CDH18: variants seen among roughly 807,000 people sequenced by gnomAD.
CDH18 encodes cadherin-18.
Under a neutral mutation model 67.9 loss-of-function variants are expected in CDH18, and 31 were observed. The ratio of observed to expected loss-of-function variants is 0.46; its 90% CI spans 0.34 to 0.62. The LOEUF (loss-of-function observed/expected upper bound fraction) is 0.62, where lower values mean the gene tolerates loss of function less well. Ranked by LOEUF, CDH18 falls within the 20% of genes least tolerant of loss-of-function variation. The pLI, the probability that CDH18 is intolerant of heterozygous loss-of-function variation, is 0.01. For synonymous variants in CDH18, 362 were observed against 347.2 expected (o/e 1.04, Z -0.48); for missense variants, 890 against 975.5 (o/e 0.91, Z 1.17).
At chr5:20,438,228 C>G (rs1749326307) in intron 1 of CDH18, among the ~76,000 whole-genome samples, 1 of 113,578 alleles carries the variant, frequency 8.8e-6, no homozygotes, top group African/African-American at 2.9e-5. Context: ...CTTGCCCCTG[C>G]CCCCAAATTA....
chr5:20,537,737 G>C (rs1756809841), intron 1 of CDH18, among the ~76,000 whole-genome samples: 1 of 145,568 alleles, frequency 6.9e-6, no homozygotes, highest in Non-Finnish European at 1.5e-5. Context: ...ATACTGCTTA[G>C]TGTATACAAA....
At chr5:19,920,843 T>C (rs1453911975) in intron 2 of CDH18, among the ~76,000 whole-genome samples, 2 of 150,774 alleles carry the variant, frequency 1.3e-5, no homozygotes, top group Non-Finnish European at 3.0e-5. Flanking sequence ...ATCTCTGAAA[T>C]TTAGGGGTAG....
chr5:20,550,463 G>A, intron 1 of CDH18, among the ~76,000 whole-genome samples: 1 of 152,206 alleles, frequency 6.6e-6, no homozygotes, highest in South Asian at 2.1e-4. Flanking sequence ...TAATAATATA[G>A]CCAATAGAAC....
At chr5:19,964,641 C>T (rs1797245172) in intron 2 of CDH18, among the ~76,000 whole-genome samples, 1 of 135,900 alleles carries the variant, frequency 7.4e-6, no homozygotes, top group South Asian at 2.2e-4. Flanking sequence ...GGGCAAGGCC[C>T]TGTATCAAAA....
intron 4 of CDH18, among the ~76,000 whole-genome samples, chr5:19,727,885 A>T (rs1165792608): frequency 6.6e-6 from 1 of 152,160 alleles, no homozygotes; most frequent in Non-Finnish European, 1.5e-5. Flanking sequence ...TGACATTTTT[A>T]AAGTTAGTTA....
intron 2 of CDH18, among the ~76,000 whole-genome samples, chr5:20,135,489 T>G (rs1217495851): frequency 6.6e-6 from 1 of 152,184 alleles, no homozygotes; most frequent in Non-Finnish European, 1.5e-5. Context: ...TTTTTCTTCT[T>G]TATTAGTCTT....
chr5:19,986,066 T>A (rs1239917692), intron 1 of CDH18, among the ~76,000 whole-genome samples: 1 of 152,212 alleles, frequency 6.6e-6, no homozygotes, highest in Non-Finnish European at 1.5e-5. Flanking sequence ...CAAAGCATAA[T>A]AATGCTATTT....
intron 2 of CDH18, among the ~76,000 whole-genome samples, chr5:20,249,786 CCTTT>C (rs1430481194): frequency 2.6e-5 from 4 of 152,074 alleles, no homozygotes; most frequent in South Asian, 2.1e-4. Context: ...TGAAAATGTG[CCTTT>C]CTGAGAATTT....
At chr5:20,245,316 A>G (rs1000223997) in intron 2 of CDH18, among the ~76,000 whole-genome samples, 13 of 152,152 alleles carry the variant, frequency 8.5e-5, no homozygotes, top group African/African-American at 3.1e-4. Flanking sequence ...TTATATCCCC[A>G]TAAATATGCC....
intron 3 of CDH18, among the ~76,000 whole-genome samples, chr5:19,753,409 A>G (rs895551294): frequency 1.3e-5 from 2 of 152,240 alleles, no homozygotes; most frequent in African/African-American, 2.4e-5. Context: ...TCTTAGCAAT[A>G]AAATTCAACA....
chr5:20,064,873 G>T (rs1742836030), intron 2 of CDH18, among the ~76,000 whole-genome samples: 1 of 152,010 alleles, frequency 6.6e-6, no homozygotes, highest in Non-Finnish European at 1.5e-5. Flanking sequence ...TCTCTACAAA[G>T]TACAGGACCA....
intron 3 of CDH18, among the ~76,000 whole-genome samples, chr5:19,827,572 G>T (rs1780536606): frequency 6.6e-6 from 1 of 151,944 alleles, no homozygotes; most frequent in African/African-American, 2.4e-5. Context: ...AAATAGAAAT[G>T]AATACTAAGA....
intron 2 of CDH18, among the ~76,000 whole-genome samples, chr5:19,847,398 C>T (rs368272674): frequency 1.3e-5 from 2 of 151,936 alleles, no homozygotes; most frequent in Admixed American, 6.6e-5. Context: ...TGCTATAGAA[C>T]TTTTGCACTA....
chr5:20,049,322 A>C (rs191686462), intron 2 of CDH18, among the ~76,000 whole-genome samples: 36 of 151,434 alleles, frequency 2.4e-4, no homozygotes, highest in African/African-American at 7.3e-4. Flanking sequence ...CACATACACA[A>C]AAAAAAATAC....
chr5:20,202,411 C>T (rs1014497354), intron 2 of CDH18, among the ~76,000 whole-genome samples: 3 of 152,048 alleles, frequency 2.0e-5, no homozygotes, highest in Non-Finnish European at 4.4e-5. Context: ...AAATTTTTCC[C>T]CTCAAAGTTG....
intron 5 of CDH18, among the ~76,000 whole-genome samples, chr5:19,614,096 A>G (rs898654246): frequency 1.3e-5 from 2 of 152,062 alleles, no homozygotes; most frequent in Non-Finnish European, 2.9e-5. Context: ...CAATATCTTA[A>G]TTTATGAGAA....
chr5:20,365,815 C>G (rs959526919), intron 1 of CDH18, among the ~76,000 whole-genome samples: 18 of 151,904 alleles, frequency 1.2e-4, no homozygotes, highest in African/African-American at 4.4e-4. Context: ...ATTTATCTGT[C>G]TTATTAAAAC....
At chr5:20,097,077 T>C (rs1746052832) in intron 2 of CDH18, among the ~76,000 whole-genome samples, 1 of 152,194 alleles carries the variant, frequency 6.6e-6, no homozygotes, top group South Asian at 2.1e-4. Context: ...GAAAACATGT[T>C]GCTTAAATTT....
intron 2 of CDH18, chr5:20,255,363 A>ATTTTAACAGAAATTTATTACAGAAATG (rs1744155223): frequency 1.3e-5 from 2 of 152,170 alleles, no homozygotes; most frequent in African/African-American, 4.8e-5. Flanking sequence ...TTTCTATAAT[A>ATTTTAACAGAAATTTATTACAGAAATG]TTTTAACAGA....
Sources: allele counts gnomAD v4.1 joint callset (sites outside exome capture counted in the v4.1 genomes callset), GRCh38; gene constraint gnomAD v4.1.1; transcripts MANE v1.5; gene names NCBI Gene and HGNC (gene_info 2026-07-23, HGNC 2026-07-21).